The following MACROD2 variants were observed in gnomAD, a reference collection of about 807,000 sequenced individuals.
MACROD2 encodes the protein mono-ADP ribosylhydrolase 2, also known as ADP-ribose glycohydrolase MACROD2.
In MACROD2, 36 loss-of-function variants were observed where a neutral mutation model predicts 70.4. The ratio of observed to expected loss-of-function variants is 0.51; its 90% CI spans 0.39 to 0.68. The LOEUF (loss-of-function observed/expected upper bound fraction) is 0.68. Among genes scored for constraint, MACROD2 ranks in the 30% least tolerant of loss-of-function variants. The probability of loss-of-function intolerance (pLI) is 0.00; values close to 1 mark genes in which losing one functional copy is unlikely to be tolerated. For synonymous variants in MACROD2, 172 were observed against 178.8 expected (o/e 0.96, Z 0.30); for missense variants, 496 against 538.4 (o/e 0.92, Z 0.78).
intron 5 of MACROD2, among the ~76,000 whole-genome samples, chr20:14,793,594 T>C (rs982617817): frequency 1.3e-5 from 2 of 151,974 alleles, no homozygotes; most frequent in Non-Finnish European, 2.9e-5. Context: ...GTTGGAAAGC[T>C]ACAAAGCCAA....
intron 4 of MACROD2, among the ~76,000 whole-genome samples, chr20:14,605,141 A>G (rs1281167211): frequency 6.6e-6 from 1 of 152,198 alleles, no homozygotes; most frequent in African/African-American, 2.4e-5. Context: ...AAAGGGATAT[A>G]TTAGTTTCCT....
intron 5 of MACROD2, among the ~76,000 whole-genome samples, chr20:14,950,082 G>A (rs185943825): frequency 2.0e-4 from 30 of 152,196 alleles, no homozygotes; most frequent in Admixed American, 1.8e-3. Flanking sequence ...TGATCACTTG[G>A]CAGTAAGAGA....
At chr20:14,386,118 A>G (rs888899632) in intron 3 of MACROD2, among the ~76,000 whole-genome samples, 11 of 152,314 alleles carry the variant, frequency 7.2e-5, no homozygotes, top group Admixed American at 2.0e-4. Context: ...TTGATGTAGT[A>G]TACTGTTTTT....
chr20:15,171,045 C>G (rs865839339), intron 5 of MACROD2, among the ~76,000 whole-genome samples: 1 of 152,064 alleles, frequency 6.6e-6, no homozygotes, highest in South Asian at 2.1e-4. Context: ...AAAGTAGGAC[C>G]CTAAGACGAC....
intron 8 of MACROD2, among the ~76,000 whole-genome samples, chr20:15,659,009 A>G (rs2049776440): frequency 6.6e-6 from 1 of 152,210 alleles, no homozygotes; most frequent in Non-Finnish European, 1.5e-5. Context: ...TTTAAATTTT[A>G]AGGATTAAAT....
At chr20:14,592,173 A>G (rs556907385) in intron 4 of MACROD2, among the ~76,000 whole-genome samples, 8 of 152,308 alleles carry the variant, frequency 5.3e-5, no homozygotes, top group Non-Finnish European at 8.8e-5. Flanking sequence ...AAAAAAATAT[A>G]TACACGATAT....
At chr20:14,700,524 TGTGTG>T (rs1568746093) in intron 5 of MACROD2, among the ~76,000 whole-genome samples, 24,679 of 125,498 alleles carry the variant, frequency 0.2, 2,090 homozygotes, top group South Asian at 0.23. Flanking sequence ...CATATGGTGG[TGTGTG>T]TGTGTGTGTG....
intron 5 of MACROD2, among the ~76,000 whole-genome samples, chr20:14,999,983 T>C (rs1046901313): frequency 5.3e-5 from 8 of 152,224 alleles, no homozygotes; most frequent in Admixed American, 3.9e-4. Context: ...TTCAGGGCTA[T>C]ATATCTGTAC....
intron 5 of MACROD2, among the ~76,000 whole-genome samples, chr20:14,833,444 C>T (rs368380): frequency 0.37 from 56,935 of 151,868 alleles, 11,402 homozygotes; most frequent in African/African-American, 0.5. Flanking sequence ...ACAAAGTACC[C>T]GTGTGATGCC....
intron 5 of MACROD2, among the ~76,000 whole-genome samples, chr20:14,878,562 A>G (rs1473361183): frequency 1.3e-5 from 2 of 152,208 alleles, no homozygotes; most frequent in Non-Finnish European, 2.9e-5. Flanking sequence ...ATAGGGGACC[A>G]TAGAGCATAC....
At chr20:15,537,090 A>G (rs1169794178) in intron 8 of MACROD2, among the ~76,000 whole-genome samples, 1 of 152,196 alleles carries the variant, frequency 6.6e-6, no homozygotes, top group Non-Finnish European at 1.5e-5. Flanking sequence ...ATATTGTAGG[A>G]GGGACCCAGT....
At chr20:14,375,012 A>G (rs538368347) in intron 3 of MACROD2, among the ~76,000 whole-genome samples, 1 of 152,152 alleles carries the variant, frequency 6.6e-6, no homozygotes, top group Non-Finnish European at 1.5e-5. Context: ...CTTTATTTAT[A>G]GCCTAGGACT....
At chr20:15,561,906 C>G (rs1009389643) in intron 8 of MACROD2, among the ~76,000 whole-genome samples, 3 of 151,954 alleles carry the variant, frequency 2.0e-5, no homozygotes, top group Admixed American at 6.6e-5. Flanking sequence ...TAGTAGATCT[C>G]AACAATTATG....
intron 7 of MACROD2, among the ~76,000 whole-genome samples, chr20:15,471,214 C>T (rs928918827): frequency 2.0e-5 from 3 of 152,210 alleles, no homozygotes; most frequent in African/African-American, 4.8e-5. Flanking sequence ...CACACATGCT[C>T]TCCTTCCACA....
chr20:14,684,299 T>A (rs1260587354), intron 4 of MACROD2, among the ~76,000 whole-genome samples: 1 of 151,996 alleles, frequency 6.6e-6, no homozygotes, highest in Non-Finnish European at 1.5e-5. Flanking sequence ...TGCTCAAAGG[T>A]TTGGTTTTGA....
chr20:14,815,817 A>T (rs2072767749), intron 5 of MACROD2, among the ~76,000 whole-genome samples: 1 of 151,858 alleles, frequency 6.6e-6, no homozygotes, highest in Non-Finnish European at 1.5e-5. Flanking sequence ...AACATTGCCA[A>T]CTCTTTTCAC....
intron 4 of MACROD2, among the ~76,000 whole-genome samples, chr20:14,680,671 A>G (rs2070920867): frequency 6.6e-6 from 1 of 152,162 alleles, no homozygotes; most frequent in African/African-American, 2.4e-5. Flanking sequence ...AAATAAGAAA[A>G]TGTATTCCAG....
At chr20:15,718,624 G>A (rs16996419) in intron 8 of MACROD2, among the ~76,000 whole-genome samples, 5,911 of 152,102 alleles carry the variant, frequency 0.039, 187 homozygotes, top group East Asian at 0.14. Flanking sequence ...CCTTAAAACC[G>A]ACTCTCAGTC....
chr20:14,555,706 C>T (rs1427584827), intron 4 of MACROD2, among the ~76,000 whole-genome samples: 4 of 152,036 alleles, frequency 2.6e-5, no homozygotes, highest in East Asian at 3.9e-4. Flanking sequence ...TAAGGAGAGG[C>T]GTGGGAAAGG....
Sources: gnomAD v4.1 joint callset for allele counts (sites outside exome capture counted in the v4.1 genomes callset) on GRCh38, gnomAD v4.1.1 for gene constraint, MANE v1.5 for transcripts, NCBI Gene and HGNC (gene_info 2026-07-23, HGNC 2026-07-21) for gene names.